The following STAG1 variants were observed in gnomAD, a reference collection of about 807,000 sequenced individuals.
STAG1 encodes the protein cohesin subunit SA-1.
Under a neutral mutation model 170.9 loss-of-function variants are expected in STAG1, and 26 were observed. The observed-to-expected ratio is 0.15, with a 90% CI of 0.11 to 0.21. STAG1 has a LOEUF of 0.21. Among genes scored for constraint, STAG1 ranks in the 10% least tolerant of loss-of-function variants. The pLI is 1.00. For missense variants in STAG1, 964 were observed against 1,509.5 expected, an observed-to-expected ratio of 0.64 and a Z score of 5.99; for synonymous variants, 514 against 497.7, an observed-to-expected ratio of 1.03 and a Z score of -0.44.
intron 5 of STAG1, among the ~76,000 whole-genome samples, chr3:136,556,262 G>T (rs1319787859): frequency 6.6e-6 from 1 of 152,024 alleles, no homozygotes; most frequent in Non-Finnish European, 1.5e-5. Context: ...CTTGGCAGAG[G>T]GGATGAATAT....
chr3:136,690,307 G>A (rs537968336), intron 1 of STAG1, among the ~76,000 whole-genome samples: 2 of 152,320 alleles, frequency 1.3e-5, no homozygotes, highest in South Asian at 4.1e-4. Context: ...CACAATCTCA[G>A]CACTTTGCAA....
intron 16 of STAG1, among the ~76,000 whole-genome samples, chr3:136,424,826 G>T (rs34757183): frequency 0.18 from 27,265 of 152,060 alleles, 2,935 homozygotes; most frequent in Non-Finnish European, 0.24. Flanking sequence ...TACAAGTAAT[G>T]AGATATGCAT....
At chr3:136,446,810 AT>A (rs112662658) in intron 14 of STAG1, among the ~76,000 whole-genome samples, 204 of 142,346 alleles carry the variant, frequency 1.4e-3, no homozygotes, top group Admixed American at 1.4e-3. Context: ...TCTCTTTCAT[AT>A]TTTTTTTTTT....
intron 2 of STAG1, among the ~76,000 whole-genome samples, chr3:136,628,100 C>T (rs904220239): frequency 2.6e-5 from 4 of 152,114 alleles, no homozygotes; most frequent in African/African-American, 9.7e-5. Flanking sequence ...GACTGGATCA[C>T]GGGAGCAGTT....
intron 15 of STAG1, among the ~76,000 whole-genome samples, chr3:136,441,110 G>A (rs2088618432): frequency 6.9e-6 from 1 of 144,820 alleles, no homozygotes; most frequent in African/African-American, 2.6e-5. Flanking sequence ...TCAGCTCACT[G>A]CAATCTCTGC....
At chr3:136,369,868 C>T (rs1937228559) in intron 23 of STAG1, among the ~76,000 whole-genome samples, 1 of 152,106 alleles carries the variant, frequency 6.6e-6, no homozygotes, top group South Asian at 2.1e-4. Context: ...ATTCCTATCA[C>T]CTAGTGATGT....
chr3:136,424,892 T>G (rs1031140080), intron 16 of STAG1, among the ~76,000 whole-genome samples: 2 of 152,048 alleles, frequency 1.3e-5, no homozygotes, highest in Non-Finnish European at 2.9e-5. Context: ...CAGGCTAGAG[T>G]GCAGTGGTGC....
At chr3:136,398,205 C>T (rs980314662) in intron 22 of STAG1, among the ~76,000 whole-genome samples, 1 of 152,052 alleles carries the variant, frequency 6.6e-6, no homozygotes, top group Admixed American at 6.6e-5. Flanking sequence ...GCAACCTCTA[C>T]CTCCCGGGTT....
chr3:136,398,369 C>A (rs562785143), intron 22 of STAG1, among the ~76,000 whole-genome samples: 2 of 152,140 alleles, frequency 1.3e-5, no homozygotes, highest in South Asian at 4.1e-4. Context: ...CTGCCTACCT[C>A]GGCCTCCCAA....
At chr3:136,368,789 G>C (rs552597337) in intron 24 of STAG1, among the ~76,000 whole-genome samples, 1 of 152,222 alleles carries the variant, frequency 6.6e-6, no homozygotes, top group African/African-American at 2.4e-5. Flanking sequence ...ACTTCACTAT[G>C]TACATTTTTA....
rs1157112368 is a variant in STAG1, at chr3:136,498,306, C to CAT, written c.902+1915_902+1916dup. On this transcript the variant is annotated intron_variant, in intron 9 of 33. Transcript: ENST00000383202. ...ACATACACACACACACACACACACA[C>CAT]ATATATATACACATTACGGCTAGCA... 5.7e-4 allele frequency among the ~76,000 whole-genome samples: 79 copies of CAT among 138,206 alleles called. 1 individual carries two copies. The highest frequency in any genetic ancestry group is 2.0e-3 in the African/African-American group (73 of 36,414). The allele number at this position is 138,206 out of a possible 152,430, so 90.7% of individuals were successfully genotyped here.
In STAG1 at chr3:136,338,221, T is replaced by TA. The variant is rs764677928; in HGVS notation, c.*32dup. 50 of 1,521,930 alleles carry TA rather than the reference T, an allele frequency of 3.3e-5. 1 individual carries two copies. Among genetic ancestry groups the TA allele is most frequent in the Non-Finnish European group, 4.4e-5 (48 of 1,099,532 alleles). The allele number at this position is 1,521,930 out of a possible 1,614,324, so 94.3% of individuals were successfully genotyped here. On this transcript the variant is annotated 3_prime_UTR_variant, in exon 34 of 34. Transcript: ENST00000383202. ...TATATAGGCCTCTAGCTCTAAATAA[T>TA]AGAGTTCCAGATTTGTAAATTTTCT...
intron 4 of STAG1, among the ~76,000 whole-genome samples, chr3:136,582,557 G>C (rs534563200): frequency 6.6e-6 from 1 of 152,344 alleles, no homozygotes; most frequent in African/African-American, 2.4e-5. Context: ...CCAGCACTTG[G>C]AGAGGCTGAG....
rs183617131 is a variant in STAG1 at position 136,586,660 on chromosome 3, T to C, written c.297+17649A>G. The C allele has an allele frequency of 1.7e-4, 52 of 311,030 alleles. 1 individual carries two copies. In the Admixed American group the frequency reaches 2.2e-3, roughly 13 times the overall value. 19.3% of individuals were successfully genotyped at this position (311,030 alleles called of 1,614,324 possible). ...ACTAATCAGCAGCTTTTATAATCTA[T>C]TGTGTTTTGGAGAAATTAAACAAAA... On this transcript the variant is annotated intron_variant, in intron 4 of 33. Transcript: ENST00000383202.
At chr3:136,420,701 G>A (rs1021532853) in intron 20 of STAG1, among the ~76,000 whole-genome samples, 7 of 152,328 alleles carry the variant, frequency 4.6e-5, no homozygotes, top group Middle Eastern at 3.4e-3. Flanking sequence ...GAACTCCTGG[G>A]CTCAAGTGAT....
intron 5 of STAG1, among the ~76,000 whole-genome samples, chr3:136,558,117 T>C (rs1936697254): frequency 6.6e-6 from 1 of 152,052 alleles, no homozygotes; most frequent in Non-Finnish European, 1.5e-5. Context: ...CTTGGCCAGG[T>C]GCGGTGGCTC....
chr3:136,521,505 CT>C, intron 6 of STAG1, 88 bp from the exon 7 acceptor site: 1 of 1,118,040 alleles, frequency 8.9e-7, no homozygotes, highest in Non-Finnish European at 1.3e-6. Context: ...CATAGGAACC[CT>C]TTTTTGCAAA....
chr3:136,678,565 A>T (rs1025134471), intron 1 of STAG1, among the ~76,000 whole-genome samples: 2 of 151,916 alleles, frequency 1.3e-5, no homozygotes, highest in African/African-American at 4.8e-5. Flanking sequence ...ACAGTATGAG[A>T]AACATTCACT....
chr3:136,451,328 C>T (rs567482947), intron 14 of STAG1, among the ~76,000 whole-genome samples: 19 of 152,090 alleles, frequency 1.2e-4, no homozygotes, highest in Non-Finnish European at 1.8e-4. Context: ...TCAATTAAAA[C>T]ATGAATTTGT....
Sources: allele counts gnomAD v4.1 joint callset (sites outside exome capture counted in the v4.1 genomes callset), GRCh38; gene constraint gnomAD v4.1.1; transcripts MANE v1.5; gene names NCBI Gene and HGNC (gene_info 2026-07-23, HGNC 2026-07-21).